Variants in INTS2 observed in about 807,000 individuals in gnomAD.
INTS2 encodes the protein integrator complex subunit 2.
In INTS2, 57 loss-of-function variants were observed where a neutral mutation model predicts 139.6. The observed-to-expected ratio is 0.41, with a 90% CI of 0.33 to 0.51. INTS2 has a LOEUF of 0.51. Among genes scored for constraint, INTS2 ranks in the 20% least tolerant of loss-of-function variants. The pLI, the probability that INTS2 is intolerant of heterozygous loss-of-function variation, is 0.28. For missense variants in INTS2, 1,196 were observed against 1,436.7 expected (o/e 0.83, Z 2.71); for synonymous variants, 473 against 493.4 (o/e 0.96, Z 0.55).
chr17:61,878,195 T>C (rs966044066), intron 17 of INTS2, 107 bp from the exon 18 acceptor site: 2 of 685,270 alleles, frequency 2.9e-6, no homozygotes, highest in South Asian at 1.8e-5. Flanking sequence ...GAAAACAATG[T>C]GGCTAAAAAG....
In INTS2 at chr17:61,869,648, G is replaced by C; in HGVS notation, c.3030+89C>G. 1 of 1,408,094 alleles carries C rather than the reference G, an allele frequency of 7.1e-7. No individual in the cohort carries two copies. Among genetic ancestry groups the C allele is most frequent in the East Asian group, 2.3e-5 (1 of 43,430 alleles). 87.2% of individuals were successfully genotyped at this position (1,408,094 alleles called of 1,614,324 possible). On this transcript the variant is annotated intron_variant, in intron 21 of 24. Transcript: ENST00000251334. This position sits in a 1 kb window ranked among gnomAD's most constrained non-coding sequence, Gnocchi z 5.4. The stretch of plus-strand genomic sequence containing the variant: ...CCCATGGATCATTTGTGTTTTCTCT[G>C]GTTTCTAAATGATCCCTGTTAATAT...
rs2079066512 is a variant in INTS2, at chr17:61,868,886, G to C, written c.3244+148C>G. On this transcript the variant is annotated intron_variant, in intron 23 of 24. Coordinates refer to ENST00000251334, the MANE Select transcript of INTS2 (RefSeq NM_001351695.2). This position sits in a 1 kb window ranked among gnomAD's most constrained non-coding sequence, Gnocchi z 4.7. The stretch of plus-strand genomic sequence containing the variant: ...AAGTTTCCAAAAGAAGAATTCAAAA[G>C]ACGGCATAAGTTAAACTAGTATTTA... The C allele has an allele frequency of 1.9e-6, 1 of 539,762 alleles. No homozygotes were observed. Among genetic ancestry groups the C allele is most frequent in the South Asian group, 2.7e-5 (1 of 36,742 alleles). The allele number at this position is 539,762 out of a possible 1,614,324, so 33.4% of individuals were successfully genotyped here.
chr17:61,897,397 A>G lies in INTS2; in HGVS notation c.1494+72T>C, dbSNP rs184262462. The G allele has an allele frequency of 5.5e-5, 48 of 865,576 alleles. No homozygotes were observed. In the East Asian group the frequency reaches 1.2e-3, roughly 21 times the overall value. 53.6% of individuals were successfully genotyped at this position (865,576 alleles called of 1,614,324 possible). On this transcript the variant is annotated intron_variant, in intron 11 of 24. Coordinates refer to ENST00000251334, the MANE Select transcript of INTS2 (RefSeq NM_001351695.2). This position sits in a 1 kb window ranked among gnomAD's most constrained non-coding sequence, Gnocchi z 4.4. ...AAAATTACTTAAATGAAAACAATCT[A>G]TTTACACTACAACAAAATGTCCAGC...
chr17:61,923,055 A>C (rs1398972513), intron 3 of INTS2, among the ~76,000 whole-genome samples: 1 of 152,064 alleles, frequency 6.6e-6, no homozygotes, highest in Non-Finnish European at 1.5e-5. Flanking sequence ...CAACCTGGGC[A>C]ACAAGAGCGA....
intron 2 of INTS2, 86 bp downstream of exon 2, chr17:61,926,264 TTC>T: frequency 9.3e-7 from 1 of 1,073,814 alleles, no homozygotes; most frequent in Non-Finnish European, 1.4e-6. Flanking sequence ...TAGATTCTCA[TTC>T]TCTCTTTTCT....
intron 3 of INTS2, among the ~76,000 whole-genome samples, chr17:61,922,515 T>TATATATAC (rs2079655392): frequency 2.3e-5 from 1 of 43,544 alleles, no homozygotes; most frequent in Non-Finnish European, 4.5e-5. Flanking sequence ...AACAAACATA[T>TATATATAC]ATATATATAT....
At chr17:61,891,408 T>G in intron 14 of INTS2, 105 bp downstream of exon 14, 1 of 839,862 alleles carries the variant, frequency 1.2e-6, no homozygotes, top group Non-Finnish European at 1.9e-6. Flanking sequence ...AATTTTAAAT[T>G]CAGAACTACC....
In INTS2 at chr17:61,897,342, C is replaced by T. The variant is rs1053563325; in HGVS notation, c.1494+127G>A. On this transcript the variant is annotated intron_variant, in intron 11 of 24. Coordinates refer to ENST00000251334, the MANE Select transcript of INTS2 (RefSeq NM_001351695.2). This position sits in a 1 kb window ranked among gnomAD's most constrained non-coding sequence, Gnocchi z 4.4. ...AGGTTTCAAAATGCATTTTTCTAAG[C>T]GCTCTTGATAAAACTTCTATTAAAC... 23 of 579,330 alleles carry T rather than the reference C, an allele frequency of 4.0e-5. No homozygotes were observed. The South Asian group carries it at 4.3e-4, about 11-fold the overall frequency. The allele number at this position is 579,330 out of a possible 1,614,324, so 35.9% of individuals were successfully genotyped here. A position where few individuals can be genotyped will look rare whatever the true frequency, so the allele number is the denominator to read the frequency against.
Position 61,919,286 on chromosome 17 carries a change from A to C in INTS2, c.649+114T>G, listed in dbSNP as rs1312395431. On this transcript the variant is annotated intron_variant, in intron 5 of 24. Coordinates refer to ENST00000251334, the MANE Select transcript of INTS2 (RefSeq NM_001351695.2). ...TCTTTATACATACTAACAAACTTTCAAAAGATAAAATCTCAAATAAAATCC... is the reference window on the plus strand; with the variant it reads ...TCTTTATACATACTAACAAACTTTCCAAAGATAAAATCTCAAATAAAATCC... The C allele has an allele frequency of 8.2e-6, 5 of 611,508 alleles. No individual in the cohort carries two copies. The African/African-American group carries it at 9.4e-5, about 11-fold the overall frequency. The allele number at this position is 611,508 out of a possible 1,614,324, so 37.9% of individuals were successfully genotyped here.
chr17:61,925,533 C>T (rs1008347657), intron 2 of INTS2, among the ~76,000 whole-genome samples: 13 of 151,774 alleles, frequency 8.6e-5, no homozygotes, highest in East Asian at 1.9e-4. Context: ...GCCGAGATCA[C>T]GCCACCGCAC....
At chr17:61,905,991 C>G (rs1341928108) in intron 8 of INTS2, among the ~76,000 whole-genome samples, 1 of 152,240 alleles carries the variant, frequency 6.6e-6, no homozygotes, top group Admixed American at 6.5e-5. Flanking sequence ...GCCACCGCGC[C>G]TGGCCTATGC....
At chr17:61,926,272 T>C in intron 2 of INTS2, 80 bp downstream of exon 2, 2 of 1,164,804 alleles carry the variant, frequency 1.7e-6, no homozygotes, top group Non-Finnish European at 2.4e-6. Flanking sequence ...CATTCTCTCT[T>C]TTCTGGAGAG....
intron 7 of INTS2, chr17:61,910,231 G>A (rs934878088): frequency 6.6e-6 from 1 of 152,226 alleles, no homozygotes; most frequent in Non-Finnish European, 1.5e-5. Context: ...GTTACCAGAG[G>A]ATGGGATGAT....
At chr17:61,925,585 T>A (rs939878772) in intron 2 of INTS2, among the ~76,000 whole-genome samples, 6 of 148,752 alleles carry the variant, frequency 4.0e-5, no homozygotes, top group Admixed American at 6.7e-5. Flanking sequence ...TAAAAAAAAA[T>A]AAAAATAAAA....
chr17:61,919,331 G>T, intron 5 of INTS2, 69 bp downstream of exon 5: 2 of 718,346 alleles, frequency 2.8e-6, no homozygotes, highest in Non-Finnish European at 4.8e-6. Flanking sequence ...TTCTTCTTAG[G>T]TCAAAAAGAT....
chr17:61,873,985 ACT>A lies in INTS2; in HGVS notation c.2582+926_2582+927del, dbSNP rs1465761862. On this transcript the variant is annotated intron_variant, in intron 19 of 24. Transcript: ENST00000251334. The surrounding 1 kb of genome is among the most constrained non-coding windows in gnomAD (Gnocchi z 4.0). ...TTGCTTCTAAACTTCTGCTCATACT[ACT>A]CTTTTTCTCAAAGTACCTTCCTTGA... The A allele has an allele frequency of 4.0e-5, 6 of 151,636 alleles. No individual in the cohort carries two copies. Among genetic ancestry groups the A allele is most frequent in the Non-Finnish European group, 8.8e-5 (6 of 67,894 alleles). The allele number at this position is 151,636 out of a possible 1,614,324, so 9.4% of individuals were successfully genotyped here. A position where few individuals can be genotyped will look rare whatever the true frequency, so the allele number is the denominator to read the frequency against.
chr17:61,874,502 G>C (rs746164763), intron 19 of INTS2, among the ~76,000 whole-genome samples: 21 of 152,168 alleles, frequency 1.4e-4, no homozygotes, highest in Non-Finnish European at 1.2e-4. Flanking sequence ...GCCAAATGTG[G>C]AATCAATGAA....
chr17:61,872,059 A>T lies in INTS2; in HGVS notation c.2778+206T>A, dbSNP rs1263090439. The T allele has an allele frequency of 2.5e-6, 1 of 403,262 alleles. No individual in the cohort carries two copies. Among genetic ancestry groups the T allele is most frequent in the Non-Finnish European group, 4.4e-6 (1 of 227,890 alleles). The allele number at this position is 403,262 out of a possible 1,614,324, so 25.0% of individuals were successfully genotyped here. On this transcript the variant is annotated intron_variant, in intron 20 of 24. Transcript: ENST00000251334. The surrounding 1 kb of genome is among the most constrained non-coding windows in gnomAD (Gnocchi z 4.8). Reference sequence around the variant, plus strand: ...TTTAAATGGCTATTTCATTCATATCATGAAGATTATTCCTGATTTCAGAAA... The same window carrying T: ...TTTAAATGGCTATTTCATTCATATCTTGAAGATTATTCCTGATTTCAGAAA...
Position 61,875,080 on chromosome 17 carries a change from T to C in INTS2, c.2457-42A>G. On this transcript the variant is annotated intron_variant, in intron 18 of 24. Transcript: ENST00000251334. The surrounding 1 kb of genome is among the most constrained non-coding windows in gnomAD (Gnocchi z 4.6). ...CACATGTTCAAAACAGTTTTTTATA[T>C]ATTAAAATCTGTAGCCATCCAGTCC... is the stretch of plus-strand genomic sequence containing the variant. The C allele has an allele frequency of 1.4e-6, 2 of 1,442,544 alleles. No homozygotes were observed. The highest frequency in any genetic ancestry group is 1.9e-6 in the Non-Finnish European group (2 of 1,076,474). 89.4% of individuals were successfully genotyped at this position (1,442,544 alleles called of 1,614,324 possible). A position where few individuals can be genotyped will look rare whatever the true frequency, so the allele number is the denominator to read the frequency against.
Sources: gnomAD v4.1 joint callset for allele counts (sites outside exome capture counted in the v4.1 genomes callset) on GRCh38, gnomAD v4.1.1 for gene constraint, Gnocchi (gnomAD v3.1) non-coding constraint, MANE v1.5 for transcripts, NCBI Gene and HGNC (gene_info 2026-07-23, HGNC 2026-07-21) for gene names.